SPRR2B: variants seen among roughly 807,000 people sequenced by gnomAD.
SPRR2B encodes small proline rich protein 2B.
SPRR2B carries 1 observed loss-of-function variant against 1.0 expected under a neutral mutation model. That is an observed-to-expected ratio of 1.01 (90% CI 0.36 to 4.77). The LOEUF is 4.77. SPRR2B is among the 30% of genes most tolerant of loss of function. SPRR2B has a pLI of 0.16. For missense variants in SPRR2B, 53 were observed against 88.7 expected, an observed-to-expected ratio of 0.60 and a Z score of 1.62; for synonymous variants, 27 against 33.4, an observed-to-expected ratio of 0.81 and a Z score of 0.66.
chr1:153,071,680 A>C (rs1384767016), upstream of SPRR2B, among the ~76,000 whole-genome samples: 1 of 152,184 alleles, frequency 6.6e-6, no homozygotes, highest in East Asian at 1.9e-4. Context: ...GAACTGCCTA[A>C]ACTGAGCTGG....
chr1:153,074,311 T>C (rs1358263465), upstream of SPRR2B, among the ~76,000 whole-genome samples: 1 of 152,202 alleles, frequency 6.6e-6, no homozygotes, highest in Non-Finnish European at 1.5e-5. Flanking sequence ...ATACTATACA[T>C]TCCACTAAAC....
At chr1:153,078,066 C>A in the SPRR2B span, among the ~76,000 whole-genome samples, 1 of 151,852 alleles carries the variant, frequency 6.6e-6, no homozygotes, top group Non-Finnish European at 1.5e-5. Context: ...GAAAGAAGAC[C>A]TTTCTCATCA....
chr1:153,087,212 G>A, the SPRR2B span, among the ~76,000 whole-genome samples: 2 of 151,972 alleles, frequency 1.3e-5, no homozygotes, highest in African/African-American at 4.8e-5. Context: ...ACAGGGAGGT[G>A]GAGGTTGCAG....
the SPRR2B span, among the ~76,000 whole-genome samples, chr1:153,081,494 T>C: frequency 6.6e-6 from 1 of 152,168 alleles, no homozygotes; most frequent in Admixed American, 6.5e-5. Context: ...TTTCCTGAAA[T>C]CAAAACTTGA....
chr1:153,084,009 G>A, the SPRR2B span, among the ~76,000 whole-genome samples: 12 of 152,294 alleles, frequency 7.9e-5, no homozygotes, highest in South Asian at 2.5e-3. Flanking sequence ...TCTCTGGTCA[G>A]CTGGTGTCTC....
the SPRR2B span, among the ~76,000 whole-genome samples, chr1:153,082,360 A>G: frequency 1.3e-5 from 2 of 152,216 alleles, no homozygotes; most frequent in African/African-American, 4.8e-5. Context: ...AATCAAAAAA[A>G]TTTAAATATA....
At chr1:153,071,985 C>A (rs1654676339), upstream of SPRR2B, among the ~76,000 whole-genome samples, 1 of 152,308 alleles carries the variant, frequency 6.6e-6, no homozygotes, top group Non-Finnish European at 1.5e-5. Context: ...TTTCCTCGTA[C>A]AATTTGCCAG....
chr1:153,080,524 A>G, the SPRR2B span, among the ~76,000 whole-genome samples: 6 of 152,184 alleles, frequency 3.9e-5, no homozygotes, highest in Non-Finnish European at 7.4e-5. Context: ...TCAAATTAAA[A>G]TGGGAAATTT....
the SPRR2B span, among the ~76,000 whole-genome samples, chr1:153,083,754 C>T: frequency 1.3e-5 from 2 of 152,210 alleles, no homozygotes; most frequent in Non-Finnish European, 2.9e-5. Flanking sequence ...AAGACCCCCT[C>T]AACCACCAGG....
chr1:153,080,629 C>A, the SPRR2B span, among the ~76,000 whole-genome samples: 2 of 152,112 alleles, frequency 1.3e-5, no homozygotes, highest in Non-Finnish European at 2.9e-5. Context: ...ACAGTAAAGG[C>A]TGTTTGAACT....
chr1:153,084,708 C>T, the SPRR2B span, among the ~76,000 whole-genome samples: 1 of 152,160 alleles, frequency 6.6e-6, no homozygotes, highest in Admixed American at 6.5e-5. Flanking sequence ...TGCCACTGCT[C>T]TTGACACATA....
the SPRR2B span, among the ~76,000 whole-genome samples, chr1:153,086,911 T>C: frequency 6.6e-6 from 1 of 152,126 alleles, no homozygotes. Flanking sequence ...CATTAGAAAT[T>C]AAGACTAAAA....
upstream of SPRR2B, among the ~76,000 whole-genome samples, chr1:153,073,146 G>T (rs1443706255): frequency 6.6e-6 from 1 of 152,158 alleles, no homozygotes; most frequent in Non-Finnish European, 1.5e-5. Flanking sequence ...TCTAAGGAAG[G>T]GCTTTTGGCC....
At chr1:153,071,909 C>T (rs940951113), upstream of SPRR2B, among the ~76,000 whole-genome samples, 1 of 152,174 alleles carries the variant, frequency 6.6e-6, no homozygotes, top group Non-Finnish European at 1.5e-5. Flanking sequence ...AATCATAAAA[C>T]TTCCTGCCCC....
upstream of SPRR2B, among the ~76,000 whole-genome samples, chr1:153,073,107 A>G (rs538275189): frequency 4.7e-4 from 71 of 152,330 alleles, no homozygotes; most frequent in Non-Finnish European, 8.5e-4. Context: ...TAAGCAAGTT[A>G]GGTTTCCAGA....
At chr1:153,073,393 T>C (rs904494136), upstream of SPRR2B, among the ~76,000 whole-genome samples, 2 of 152,152 alleles carry the variant, frequency 1.3e-5, no homozygotes, top group African/African-American at 4.8e-5. Context: ...AATTGGCTGC[T>C]AAATGAGATC....
At chr1:153,081,179 G>A in the SPRR2B span, among the ~76,000 whole-genome samples, 1 of 152,148 alleles carries the variant, frequency 6.6e-6, no homozygotes, top group African/African-American at 2.4e-5. Flanking sequence ...AATCTCGAAA[G>A]CAGCAAGAGG....
upstream of SPRR2B, among the ~76,000 whole-genome samples, chr1:153,072,811 G>A (rs528989305): frequency 5.3e-5 from 8 of 152,258 alleles, no homozygotes; most frequent in South Asian, 1.7e-3. Flanking sequence ...TACGTATGTT[G>A]TCAATGTGAA....
At chr1:153,073,419 ACAGTTTGGGTCATG>A (rs1463107096), upstream of SPRR2B, among the ~76,000 whole-genome samples, 2 of 152,144 alleles carry the variant, frequency 1.3e-5, no homozygotes, top group Non-Finnish European at 2.9e-5. Flanking sequence ...GTGAGATAAT[ACAGTTTGGGTCATG>A]CCCTGAGACT....
Sources: gnomAD v4.1 joint callset for allele counts (sites outside exome capture counted in the v4.1 genomes callset) on GRCh38, gnomAD v4.1.1 for gene constraint, MANE v1.5 for transcripts, NCBI Gene and HGNC (gene_info 2026-07-23, HGNC 2026-07-21) for gene names.